SMG7: variants seen among roughly 807,000 people sequenced by gnomAD.
SMG7 encodes nonsense-mediated mRNA decay factor SMG7.
In SMG7, 34 loss-of-function variants were observed where a neutral mutation model predicts 148.2. That is an observed-to-expected ratio of 0.23 (90% CI 0.17 to 0.31). The LOEUF (loss-of-function observed/expected upper bound fraction) is 0.31, where lower values mean the gene tolerates loss of function less well. SMG7 is among the 10% of genes least tolerant of loss of function. The pLI, the probability that SMG7 is intolerant of heterozygous loss-of-function variation, is 1.00. For synonymous variants in SMG7, 492 were observed against 515.1 expected, an observed-to-expected ratio of 0.96 and a Z score of 0.61; for missense variants, 1,114 against 1,408.4, an observed-to-expected ratio of 0.79 and a Z score of 3.35.
intron 1 of SMG7, among the ~76,000 whole-genome samples, chr1:183,474,817 C>T (rs191105305): frequency 6.6e-6 from 1 of 152,290 alleles, no homozygotes; most frequent in African/African-American, 2.4e-5. Flanking sequence ...AAGAAAATGG[C>T]ACTTAGGATA....
chr1:183,548,331 A>C (rs774968278), intron 18 of SMG7, among the ~76,000 whole-genome samples: 10 of 152,068 alleles, frequency 6.6e-5, no homozygotes, highest in East Asian at 3.9e-4. Context: ...TTGCCTCTCT[A>C]TGTTTGCCTT....
chr1:183,552,620 C>A lies in SMG7; in HGVS notation c.*689C>A. ...CCTTCCTCTGGCCAGGAGACTCCAG[C>A]AGGGAATGCCCTTCACTCTGTAGGT... On this transcript the variant is annotated 3_prime_UTR_variant, in exon 23 of 23. Transcript: ENST00000688051. The A allele has an allele frequency of 9.6e-7, 1 of 1,044,906 alleles. No individual in the cohort carries two copies. Among genetic ancestry groups the A allele is most frequent in the Non-Finnish European group, 1.2e-6 (1 of 865,648 alleles). The allele number at this position is 1,044,906 out of a possible 1,614,324, so 64.7% of individuals were successfully genotyped here.
At chr1:183,538,667 C>T (rs551480657) in intron 12 of SMG7, among the ~76,000 whole-genome samples, 1 of 152,250 alleles carries the variant, frequency 6.6e-6, no homozygotes, top group South Asian at 2.1e-4. Flanking sequence ...TGCCCTTGAT[C>T]CCATCCCTTC....
intron 13 of SMG7, among the ~76,000 whole-genome samples, 157 bp downstream of exon 13, chr1:183,541,260 TA>T (rs1668798457): frequency 6.6e-6 from 1 of 152,252 alleles, no homozygotes; most frequent in African/African-American, 2.4e-5. Context: ...GACATGTTGG[TA>T]GCACAACATC....
intron 1 of SMG7, among the ~76,000 whole-genome samples, chr1:183,487,063 C>T (rs1004901214): frequency 3.3e-5 from 5 of 152,244 alleles, no homozygotes; most frequent in East Asian, 1.9e-4. Flanking sequence ...GGACCAGTAG[C>T]GGTATTCGTT....
intron 14 of SMG7, among the ~76,000 whole-genome samples, chr1:183,544,008 C>T (rs535246121): frequency 6.6e-6 from 1 of 152,076 alleles, no homozygotes; most frequent in Non-Finnish European, 1.5e-5. Context: ...GAACCCTGGG[C>T]CCCAGAACAA....
Position 183,552,518 on chromosome 1 carries a change from A to G in SMG7, c.*587A>G. 1 of 999,038 alleles carries G rather than the reference A, an allele frequency of 1.0e-6. No individual in the cohort carries two copies. Among genetic ancestry groups the G allele is most frequent in the Non-Finnish European group, 1.2e-6 (1 of 837,606 alleles). The allele number at this position is 999,038 out of a possible 1,614,324, so 61.9% of individuals were successfully genotyped here. On this transcript the variant is annotated 3_prime_UTR_variant, in exon 23 of 23. Transcript: ENST00000688051. Reference sequence around the variant, plus strand: ...CCTGTGAGAGGTTGGTGGTGACAGGATGGGGAACCGACCTCTTCAGCCAGT... The same window carrying G: ...CCTGTGAGAGGTTGGTGGTGACAGGGTGGGGAACCGACCTCTTCAGCCAGT...
At position 183,526,698 on chromosome 1, in the gene SMG7, A is replaced by G. The variant is rs1356348247; in HGVS notation, c.415A>G (p.Ile139Val). ...ISNKQTHTSAIVKPQSSSCSY... is the reference protein window; with the variant it reads ...ISNKQTHTSAVVKPQSSSCSY... ...CAATAAACAGACGCATACCAGCGCC[A>G]TAGTGAAGCCACAGTCTAGCTCCTG... The change falls in exon 5 of 23, where the codon ATA becomes GTA. Residue 139 changes from isoleucine (I) to valine (V), a missense_variant. By Grantham distance (29) the Ile-to-Val change is conservative. Transcript: ENST00000688051. 2 of 1,613,792 alleles carry G rather than the reference A, an allele frequency of 1.2e-6. No individual in the cohort carries two copies. Among genetic ancestry groups the G allele is most frequent in the Non-Finnish European group, 1.7e-6 (2 of 1,179,874 alleles).
At chr1:183,494,903 C>T (rs1658091466) in intron 1 of SMG7, among the ~76,000 whole-genome samples, 2 of 151,210 alleles carry the variant, frequency 1.3e-5, no homozygotes, top group Admixed American at 6.6e-5. Flanking sequence ...AATCTCGGCT[C>T]ACCACAACCT....
At chr1:183,514,029 CAA>C (rs1035651769) in intron 2 of SMG7, among the ~76,000 whole-genome samples, 1,087 of 41,270 alleles carry the variant, frequency 0.026, 10 homozygotes, top group African/African-American at 0.08. Flanking sequence ...GACTCCGTCT[CAA>C]AAAAAAAAAA....
chr1:183,497,498 G>A (rs189489467), intron 1 of SMG7, among the ~76,000 whole-genome samples: 64 of 152,176 alleles, frequency 4.2e-4, no homozygotes, highest in Admixed American at 3.3e-3. Flanking sequence ...GATTCATTGG[G>A]GGCAGTTAAT....
rs778151823 is a variant in SMG7, at chr1:183,551,798, A to G, written c.3451-20A>G. The G allele has an allele frequency of 1.3e-6, 2 of 1,566,378 alleles. No homozygotes were observed. Among genetic ancestry groups the G allele is most frequent in the Non-Finnish European group, 8.7e-7 (1 of 1,147,988 alleles). On this transcript the variant is annotated intron_variant, in intron 22 of 22. Transcript: ENST00000688051. ...ACTTGGCATTTGACCTCTGCTGACA[A>G]GATCTGGACTGTTTTTCAGTCTATC...
intron 4 of SMG7, 76 bp downstream of exon 4, chr1:183,517,896 T>A: frequency 7.0e-7 from 1 of 1,427,752 alleles, no homozygotes; most frequent in Non-Finnish European, 9.8e-7. Flanking sequence ...TCTTAATGCA[T>A]GTAAACAATT....
intron 4 of SMG7, among the ~76,000 whole-genome samples, chr1:183,525,464 T>C (rs1476613658): frequency 2.0e-5 from 3 of 152,072 alleles, no homozygotes; most frequent in Admixed American, 6.6e-5. Flanking sequence ...AAAGCAGATA[T>C]GAAAAGTGTG....
At chr1:183,507,036 G>T (rs181276564) in intron 1 of SMG7, among the ~76,000 whole-genome samples, 2 of 151,726 alleles carry the variant, frequency 1.3e-5, no homozygotes, top group Non-Finnish European at 2.9e-5. Flanking sequence ...ATGCCACCAC[G>T]CCAGGCTAAT....
intron 4 of SMG7, among the ~76,000 whole-genome samples, chr1:183,522,933 A>G (rs1027251131): frequency 6.6e-6 from 1 of 151,824 alleles, no homozygotes; most frequent in Non-Finnish European, 1.5e-5. Context: ...CATACCAGCT[A>G]CCTTTTTTTA....
chr1:183,547,652 A>G (rs759508834), intron 18 of SMG7, among the ~76,000 whole-genome samples: 1 of 152,012 alleles, frequency 6.6e-6, no homozygotes, highest in African/African-American at 2.4e-5. Flanking sequence ...TATGAAAGGA[A>G]ATATGTTCTT....
chr1:183,473,867 G>A (rs1651410600), intron 1 of SMG7: 3 of 985,388 alleles, frequency 3.0e-6, no homozygotes, highest in Non-Finnish European at 3.6e-6. Flanking sequence ...AAGTATTGAC[G>A]TGTGTGGATC....
intron 1 of SMG7, among the ~76,000 whole-genome samples, chr1:183,489,078 G>A (rs75192653): frequency 0.011 from 1,704 of 151,898 alleles, 23 homozygotes; most frequent in Non-Finnish European, 0.018. Flanking sequence ...TGTTTTCACC[G>A]ACAGAATCCT....
Sources: allele counts gnomAD v4.1 joint callset (sites outside exome capture counted in the v4.1 genomes callset), GRCh38; gene constraint gnomAD v4.1.1; transcripts MANE v1.5; gene names NCBI Gene and HGNC (gene_info 2026-07-23, HGNC 2026-07-21).